Variants in FSTL5 observed in about 807,000 individuals in gnomAD.
The protein encoded by FSTL5 is follistatin-related protein 5.
In FSTL5, 62 loss-of-function variants were observed where a neutral mutation model predicts 89.1. The ratio of observed to expected loss-of-function variants is 0.70; its 90% CI spans 0.57 to 0.86. The LOEUF is 0.86. Ranked by LOEUF, FSTL5 falls within the 40% of genes least tolerant of loss-of-function variation. The pLI is 0.00. For missense variants in FSTL5, 1,057 were observed against 1,001.6 expected (o/e 1.06, Z -0.75); for synonymous variants, 383 against 346.2 (o/e 1.11, Z -1.18).
chr4:161,742,882 G>T (rs1740075309), intron 6 of FSTL5, among the ~76,000 whole-genome samples: 1 of 151,982 alleles, frequency 6.6e-6, no homozygotes, highest in African/African-American at 2.4e-5. Flanking sequence ...AGAATATATT[G>T]ATGTATCTTT....
At chr4:161,688,458 T>G (rs1009908872) in intron 6 of FSTL5, among the ~76,000 whole-genome samples, 2 of 152,144 alleles carry the variant, frequency 1.3e-5, no homozygotes, top group African/African-American at 4.8e-5. Flanking sequence ...AGGCTTGGCA[T>G]TAGTAGCTAT....
intron 4 of FSTL5, among the ~76,000 whole-genome samples, chr4:161,835,275 T>A (rs1295663150): frequency 6.6e-6 from 1 of 152,066 alleles, no homozygotes; most frequent in Non-Finnish European, 1.5e-5. Flanking sequence ...ACTGGATCCC[T>A]TCCTTACACC....
intron 3 of FSTL5, among the ~76,000 whole-genome samples, chr4:161,979,985 G>A (rs958253834): frequency 6.7e-6 from 1 of 148,868 alleles, no homozygotes; most frequent in Admixed American, 6.8e-5. Context: ...TCTATCTAAA[G>A]ACCTAAAATT....
intron 6 of FSTL5, among the ~76,000 whole-genome samples, chr4:161,729,259 T>C (rs1480910292): frequency 3.3e-5 from 5 of 152,238 alleles, no homozygotes; most frequent in Non-Finnish European, 7.3e-5. Flanking sequence ...AAGAAAGTTT[T>C]AGAGCATAAT....
Position 161,709,053 on chromosome 4 carries a change from T to C in FSTL5, c.727+50358A>G, listed in dbSNP as rs1192633684. 4.6e-5 allele frequency among the ~76,000 whole-genome samples: 7 copies of C among 152,304 alleles called. No homozygotes were observed. In the East Asian group the frequency reaches 7.7e-4, roughly 17 times the overall value. ...TCTAAAGTAACACAAAAGTTGTGAT[T>C]ATTTTGCCTCTAACATGGCTTGAAT... On this transcript the variant is annotated intron_variant, in intron 6 of 15. Transcript: ENST00000306100.
At chr4:161,433,413 C>A (rs568185354) in intron 15 of FSTL5, among the ~76,000 whole-genome samples, 1 of 152,022 alleles carries the variant, frequency 6.6e-6, no homozygotes, top group East Asian at 1.9e-4. Flanking sequence ...CATACTTCAA[C>A]ATAATAAAAG....
At chr4:161,783,684 T>C (rs1433643046) in intron 4 of FSTL5, among the ~76,000 whole-genome samples, 3 of 25,204 alleles carry the variant, frequency 1.2e-4, no homozygotes, top group Admixed American at 5.6e-4. Flanking sequence ...TTTCTCTTTC[T>C]TTCTTTCTTT....
Position 161,834,993 on chromosome 4 carries a change from A to C in FSTL5, c.410-58919T>G, listed in dbSNP as rs1459165998. 4.1e-5 allele frequency among the ~76,000 whole-genome samples: 6 copies of C among 146,292 alleles called. 1 individual carries two copies. Among genetic ancestry groups the C allele is most frequent in the Non-Finnish European group, 6.0e-5 (4 of 66,748 alleles). ...ACACCAAAAAAGAGCCTGCATCGCC[A>C]AGTCAATCCTAAGCCAAAAGAACAA... On this transcript the variant is annotated intron_variant, in intron 4 of 15. Coordinates refer to ENST00000306100, the MANE Select transcript of FSTL5 (RefSeq NM_020116.5).
intron 15 of FSTL5, among the ~76,000 whole-genome samples, chr4:161,429,221 A>G (rs1164888736): frequency 1.3e-5 from 2 of 152,114 alleles, no homozygotes; most frequent in African/African-American, 2.4e-5. Context: ...GCAGATTCCT[A>G]AAGTTTTCCA....
At chr4:161,455,197 TTA>T in intron 14 of FSTL5, 69 bp from the exon 15 acceptor site, 2 of 1,291,308 alleles carry the variant, frequency 1.5e-6, no homozygotes, top group Non-Finnish European at 2.1e-6. Flanking sequence ...TTAATTTTAT[TTA>T]GAGATGAAAT....
chr4:161,393,652 A>C (rs1730897545), intron 15 of FSTL5, among the ~76,000 whole-genome samples: 1 of 152,206 alleles, frequency 6.6e-6, no homozygotes, highest in Non-Finnish European at 1.5e-5. Context: ...GGCACAATAA[A>C]GTGACTATTT....
intron 4 of FSTL5, among the ~76,000 whole-genome samples, chr4:161,863,547 A>G (rs865859633): frequency 1.3e-5 from 2 of 152,314 alleles, no homozygotes; most frequent in African/African-American, 4.8e-5. Flanking sequence ...GCGGGCAAAG[A>G]AAAGAGAATA....
intron 10 of FSTL5, among the ~76,000 whole-genome samples, chr4:161,524,547 A>G (rs569783093): frequency 5.8e-4 from 88 of 152,178 alleles, no homozygotes; most frequent in Non-Finnish European, 1.0e-3. Context: ...CTTTTTTTTC[A>G]TGCATACACT....
chr4:161,413,537 C>G (rs1475623732), intron 15 of FSTL5, among the ~76,000 whole-genome samples: 1 of 152,084 alleles, frequency 6.6e-6, no homozygotes, highest in African/African-American at 2.4e-5. Context: ...ACACTTAAAA[C>G]AGAGCTACCG....
chr4:161,422,853 C>A (rs1050301491), intron 15 of FSTL5, among the ~76,000 whole-genome samples: 1 of 152,144 alleles, frequency 6.6e-6, no homozygotes, highest in Non-Finnish European at 1.5e-5. Flanking sequence ...GGACCGAAAA[C>A]ACATTACAGC....
intron 2 of FSTL5, among the ~76,000 whole-genome samples, chr4:162,058,449 C>CTCT (rs1738622728): frequency 9.5e-6 from 1 of 105,350 alleles, no homozygotes; most frequent in Non-Finnish European, 1.8e-5. Context: ...TTTTTTGAGA[C>CTCT]AGGGTCTCGC....
intron 1 of FSTL5, among the ~76,000 whole-genome samples, chr4:162,136,760 A>G (rs1192065518): frequency 6.6e-6 from 1 of 152,098 alleles, no homozygotes; most frequent in African/African-American, 2.4e-5. Flanking sequence ...GGATATTTAT[A>G]TAGAAAGAAA....
rs1205978039 is a variant in FSTL5 at position 161,695,923 on chromosome 4, GCTGA to G, written c.728-39433_728-39430del. ...ATCCTGTGGGTTGTCTGTTTACTCT[GCTGA>G]CTGTTCCTTTTGCCATGCAAAAACT... On this transcript the variant is annotated intron_variant, in intron 6 of 15. Coordinates refer to ENST00000306100, the MANE Select transcript of FSTL5 (RefSeq NM_020116.5). 3.3e-4 allele frequency among the ~76,000 whole-genome samples: 50 copies of G among 152,142 alleles called. No homozygotes were observed. The South Asian group carries it at 3.5e-3, about 11-fold the overall frequency.
intron 4 of FSTL5, among the ~76,000 whole-genome samples, chr4:161,894,623 C>T (rs1579174819): frequency 6.6e-6 from 1 of 152,222 alleles, no homozygotes; most frequent in African/African-American, 2.4e-5. Context: ...GGATTACAGG[C>T]ATGTGCTGCC....
Sources: gnomAD v4.1 joint callset for allele counts (sites outside exome capture counted in the v4.1 genomes callset) on GRCh38, gnomAD v4.1.1 for gene constraint, MANE v1.5 for transcripts, NCBI Gene and HGNC (gene_info 2026-07-23, HGNC 2026-07-21) for gene names.